Variants in SULF1 observed in about 807,000 individuals in gnomAD.
SULF1 encodes the protein sulfatase 1.
In SULF1, 46 loss-of-function variants were observed where a neutral mutation model predicts 110.5. That is an observed-to-expected ratio of 0.42 (90% CI 0.33 to 0.53). SULF1 has a LOEUF of 0.53. Ranked by LOEUF, SULF1 falls within the 20% of genes least tolerant of loss-of-function variation. The pLI, the probability that SULF1 is intolerant of heterozygous loss-of-function variation, is 0.12. For missense variants in SULF1, 941 were observed against 1,094.2 expected, an observed-to-expected ratio of 0.86 and a Z score of 1.98; for synonymous variants, 371 against 387.1, an observed-to-expected ratio of 0.96 and a Z score of 0.49.
intron 3 of SULF1, among the ~76,000 whole-genome samples, chr8:69,538,274 C>CTTTTTTTTTT (rs1164492515): frequency 1.8e-5 from 1 of 54,084 alleles, no homozygotes. Context: ...ATTTCTGTTG[C>CTTTTTTTTTT]CTTTTTTTTT....
intron 3 of SULF1, among the ~76,000 whole-genome samples, chr8:69,523,129 T>TGAATAGATGA (rs1299410683): frequency 6.6e-6 from 1 of 152,184 alleles, no homozygotes; most frequent in Non-Finnish European, 1.5e-5. Context: ...GCTGTGGTTC[T>TGAATAGATGA]GAATAGATGA....
intron 10 of SULF1, 148 bp from the exon 11 acceptor site, chr8:69,603,044 C>T: frequency 8.9e-7 from 1 of 1,125,320 alleles, no homozygotes; most frequent in Non-Finnish European, 1.3e-6. Flanking sequence ...CACACCCACC[C>T]TTGCCACACA....
intron 5 of SULF1, among the ~76,000 whole-genome samples, chr8:69,569,372 T>TA (rs961630714): frequency 1.3e-5 from 2 of 152,072 alleles, no homozygotes; most frequent in African/African-American, 2.4e-5. Context: ...ATATAACATA[T>TA]AAAAAAATCA....
chr8:69,631,334 T>C (rs1224465006), intron 19 of SULF1, among the ~76,000 whole-genome samples: 2 of 152,172 alleles, frequency 1.3e-5, no homozygotes, highest in African/African-American at 4.8e-5. Context: ...CACCATTTCT[T>C]ACCTCGGCCA....
intron 9 of SULF1, 28 bp downstream of exon 9, chr8:69,600,781 A>G (rs1166218387): frequency 6.2e-7 from 1 of 1,603,622 alleles, no homozygotes. Flanking sequence ...CCTCAGTGAT[A>G]GTTTTTGGCC....
In SULF1 at chr8:69,628,356, T is replaced by C. The variant is rs1810261972; in HGVS notation, c.2108+120T>C. 3 of 797,906 alleles carry C rather than the reference T, an allele frequency of 3.8e-6. No homozygotes were observed. The South Asian group carries it at 4.8e-5, about 13-fold the overall frequency. The allele number at this position is 797,906 out of a possible 1,614,324, so 49.4% of individuals were successfully genotyped here. A position where few individuals can be genotyped will look rare whatever the true frequency, so the allele number is the denominator to read the frequency against. Reference sequence around the variant, plus strand: ...TGCCGCTTCAGAAGAAGTAGATCCATCTAGGAGGGCACCTAGCTCATGAAG... The same window carrying C: ...TGCCGCTTCAGAAGAAGTAGATCCACCTAGGAGGGCACCTAGCTCATGAAG... On this transcript the variant is annotated intron_variant, in intron 18 of 22. Coordinates refer to ENST00000402687, the MANE Select transcript of SULF1 (RefSeq NM_001128205.2).
At chr8:69,498,802 C>T (rs1331481396) in intron 2 of SULF1, among the ~76,000 whole-genome samples, 1 of 152,168 alleles carries the variant, frequency 6.6e-6, no homozygotes, top group Non-Finnish European at 1.5e-5. Flanking sequence ...CCCAAAGAAG[C>T]TGGCCTGAGG....
chr8:69,544,547 G>A (rs1441967879), intron 3 of SULF1, among the ~76,000 whole-genome samples: 3 of 152,152 alleles, frequency 2.0e-5, no homozygotes, highest in Non-Finnish European at 4.4e-5. Context: ...GATTATAGGG[G>A]TGAGCCACCA....
At chr8:69,553,972 A>G (rs1339483755) in intron 3 of SULF1, among the ~76,000 whole-genome samples, 1 of 152,172 alleles carries the variant, frequency 6.6e-6, no homozygotes, top group Non-Finnish European at 1.5e-5. Flanking sequence ...TGCAGCACAC[A>G]TGTGCTTGAG....
At chr8:69,484,825 CTCT>C (rs72313235) in intron 1 of SULF1, among the ~76,000 whole-genome samples, 8,327 of 148,832 alleles carry the variant, frequency 0.056, 533 homozygotes, top group African/African-American at 0.15. Context: ...TTTCATCTTC[CTCT>C]TCTTCTTCTT....
intron 3 of SULF1, among the ~76,000 whole-genome samples, chr8:69,551,112 C>T (rs1216061208): frequency 6.6e-6 from 1 of 152,178 alleles, no homozygotes; most frequent in Non-Finnish European, 1.5e-5. Flanking sequence ...CCACAGGGGG[C>T]GATTGGCAGA....
intron 3 of SULF1, among the ~76,000 whole-genome samples, chr8:69,553,824 C>A (rs1265696770): frequency 6.6e-6 from 1 of 152,138 alleles, no homozygotes; most frequent in Non-Finnish European, 1.5e-5. Flanking sequence ...ATCTTCCTTT[C>A]TATGCAGGAT....
chr8:69,470,395 G>T (rs540139548), intron 1 of SULF1, among the ~76,000 whole-genome samples: 2 of 152,242 alleles, frequency 1.3e-5, no homozygotes, highest in South Asian at 4.2e-4. Context: ...AAATTGTCCT[G>T]AAATATGTTT....
chr8:69,631,864 C>T (rs540970541), intron 19 of SULF1, among the ~76,000 whole-genome samples: 33 of 152,344 alleles, frequency 2.2e-4, no homozygotes, highest in Non-Finnish European at 3.5e-4. Flanking sequence ...CCATTTGATA[C>T]GCTCTATCAG....
At chr8:69,649,974 T>C (rs1322709948) in intron 22 of SULF1, among the ~76,000 whole-genome samples, 1 of 25,170 alleles carries the variant, frequency 4.0e-5, no homozygotes, top group Non-Finnish European at 7.0e-5. Context: ...CCTGCTTGCT[T>C]TTTTTTTTTT....
chr8:69,649,621 A>AT (rs900723580), intron 22 of SULF1, among the ~76,000 whole-genome samples: 12 of 152,274 alleles, frequency 7.9e-5, no homozygotes, highest in Non-Finnish European at 1.5e-4. Context: ...CAGTCATGAT[A>AT]TTTTAAAGAG....
intron 3 of SULF1, among the ~76,000 whole-genome samples, chr8:69,523,879 G>A (rs1176962163): frequency 1.3e-5 from 2 of 152,080 alleles, no homozygotes; most frequent in Non-Finnish European, 1.5e-5. Context: ...GGCTAGGGTT[G>A]ATTAGATTGG....
chr8:69,497,194 G>A (rs181413848), intron 2 of SULF1, among the ~76,000 whole-genome samples: 184 of 127,466 alleles, frequency 1.4e-3, no homozygotes, highest in Middle Eastern at 5.5e-3. Flanking sequence ...GTCTTGATCT[G>A]TCACCTAGGC....
At chr8:69,522,084 T>C (rs1812346667) in intron 3 of SULF1, among the ~76,000 whole-genome samples, 1 of 151,592 alleles carries the variant, frequency 6.6e-6, no homozygotes, top group South Asian at 2.1e-4. Context: ...AGCATCTTGC[T>C]CTGTTGCCCA....
Sources: gnomAD v4.1 joint callset for allele counts (sites outside exome capture counted in the v4.1 genomes callset) on GRCh38, gnomAD v4.1.1 for gene constraint, MANE v1.5 for transcripts, NCBI Gene and HGNC (gene_info 2026-07-23, HGNC 2026-07-21) for gene names.